WDR25: variants seen among roughly 807,000 people sequenced by gnomAD.
The protein encoded by WDR25 is WD repeat domain 25.
A neutral mutation model predicts 47.7 loss-of-function variants in WDR25; 35 were observed. The observed-to-expected ratio is 0.73, with a 90% CI of 0.56 to 0.97. WDR25 has a LOEUF of 0.97. Ranked by LOEUF, WDR25 falls within the 50% of genes least tolerant of loss-of-function variation. WDR25 has a pLI of 0.00. For synonymous variants in WDR25, 248 were observed against 278.9 expected (o/e 0.89, Z 1.10); for missense variants, 634 against 704.7 (o/e 0.90, Z 1.14).
At position 100,440,087 on chromosome 14, in the gene WDR25, G is replaced by A. The variant is rs1898623334; in HGVS notation, c.823-27934G>A. 1.3e-5 allele frequency among the ~76,000 whole-genome samples: 2 copies of A among 152,192 alleles called. No homozygotes were observed. Among genetic ancestry groups the A allele is most frequent in the South Asian group, 4.1e-4 (2 of 4,836 alleles). ...CTAAAAGCAGCATAGTCATTTTCGA[G>A]TCACTCTCTGATAAAGATAGAACAC... On this transcript the variant is annotated intron_variant, in intron 2 of 6. Coordinates refer to ENST00000402312, the MANE Select transcript of WDR25 (RefSeq NM_001161476.3). The surrounding 1 kb of genome is among the most constrained non-coding windows in gnomAD (Gnocchi z 4.4).
intron 2 of WDR25, among the ~76,000 whole-genome samples, chr14:100,460,953 T>C (rs1899392579): frequency 6.6e-6 from 1 of 152,224 alleles, no homozygotes; most frequent in South Asian, 2.1e-4. Flanking sequence ...CAGTGGCTCA[T>C]GCTGTAATCC....
chr14:100,451,514 C>T (rs1899031887), intron 2 of WDR25, among the ~76,000 whole-genome samples: 1 of 152,196 alleles, frequency 6.6e-6, no homozygotes, highest in Admixed American at 6.5e-5. Flanking sequence ...GCCACCTTGC[C>T]TGGCTCATTC....
chr14:100,496,704 T>C (rs1595147345), intron 4 of WDR25, among the ~76,000 whole-genome samples: 2 of 152,158 alleles, frequency 1.3e-5, no homozygotes, highest in Admixed American at 1.3e-4. Flanking sequence ...TACAAATACT[T>C]TCTAATTTTC....
At chr14:100,509,108 G>C (rs959832126) in intron 4 of WDR25, among the ~76,000 whole-genome samples, 1 of 152,098 alleles carries the variant, frequency 6.6e-6, no homozygotes, top group East Asian at 1.9e-4. Flanking sequence ...ACTGAGAAAT[G>C]TTCTCTACTT....
At chr14:100,439,024 G>A (rs1191863519) in intron 2 of WDR25, among the ~76,000 whole-genome samples, 1 of 152,312 alleles carries the variant, frequency 6.6e-6, no homozygotes, top group Non-Finnish European at 1.5e-5. Flanking sequence ...GGTGGCTAGG[G>A]CACCCTCCTG....
rs1901120561 is a variant in WDR25 at position 100,506,633 on chromosome 14, T to A, written c.1102-19237T>A. On this transcript the variant is annotated intron_variant, in intron 4 of 6. Coordinates refer to ENST00000402312, the MANE Select transcript of WDR25 (RefSeq NM_001161476.3). This position sits in a 1 kb window ranked among gnomAD's most constrained non-coding sequence, Gnocchi z 4.8. ...TGTCTGGTGTGAGAAGTTATCTCAT[T>A]GTGATTTTGATTTGCATTTCTCTGC... Among the ~76,000 whole-genome samples, 1 of 152,218 alleles carries A rather than the reference T, an allele frequency of 6.6e-6. No homozygotes were observed. The highest frequency in any genetic ancestry group is 1.5e-5 in the Non-Finnish European group (1 of 68,018).
chr14:100,379,844 T>G (rs534701792), intron 1 of WDR25, among the ~76,000 whole-genome samples: 2 of 146,938 alleles, frequency 1.4e-5, no homozygotes, highest in Non-Finnish European at 3.0e-5. Flanking sequence ...TGGGTTCAAG[T>G]GATTCTCCTG....
At chr14:100,471,462 T>C (rs931142999) in intron 3 of WDR25, among the ~76,000 whole-genome samples, 4 of 152,248 alleles carry the variant, frequency 2.6e-5, no homozygotes, top group African/African-American at 9.6e-5. Context: ...TGGGGTGGGC[T>C]CTGCAGGCCC....
intron 2 of WDR25, among the ~76,000 whole-genome samples, chr14:100,452,523 C>T (rs2140269024): frequency 6.6e-6 from 1 of 152,242 alleles, no homozygotes; most frequent in Non-Finnish European, 1.5e-5. Flanking sequence ...TTGAGGGAAC[C>T]CAGCAGCTGG....
chr14:100,460,340 C>A (rs1331205708), intron 2 of WDR25, among the ~76,000 whole-genome samples: 2 of 152,008 alleles, frequency 1.3e-5, no homozygotes, highest in African/African-American at 4.8e-5. Flanking sequence ...TCTTGATCTC[C>A]TGACCACATG....
chr14:100,485,181 G>C (rs958265885), intron 4 of WDR25, among the ~76,000 whole-genome samples: 2 of 151,392 alleles, frequency 1.3e-5, no homozygotes. Context: ...GTAGAGGCTT[G>C]CTGCCCCCTG....
rs1168059990 is a variant in WDR25, at chr14:100,449,575, ACT to A, written c.823-18443_823-18442del. On this transcript the variant is annotated intron_variant, in intron 2 of 6. Transcript: ENST00000402312. The surrounding 1 kb of genome is among the most constrained non-coding windows in gnomAD (Gnocchi z 4.2). The stretch of plus-strand genomic sequence containing the variant: ...CATGGCTATGTATGACAGCCAGGAC[ACT>A]CTGCCTCCACCCAGACTGGGCCTTC... 6.6e-6 allele frequency among the ~76,000 whole-genome samples: 1 copy of A among 152,170 alleles called. No individual in the cohort carries two copies. The highest frequency in any genetic ancestry group is 1.5e-5 in the Non-Finnish European group (1 of 68,024).
chr14:100,426,516 G>A (rs771681648), intron 2 of WDR25, among the ~76,000 whole-genome samples: 2 of 152,220 alleles, frequency 1.3e-5, no homozygotes, highest in Non-Finnish European at 2.9e-5. Flanking sequence ...GTACTCAGAC[G>A]CCTGCGTGCG....
At chr14:100,528,194 C>T (rs1044925780) in intron 5 of WDR25, among the ~76,000 whole-genome samples, 1 of 152,140 alleles carries the variant, frequency 6.6e-6, no homozygotes, top group African/African-American at 2.4e-5. Context: ...TATTCCCTCA[C>T]AGTTCTGGAG....
At chr14:100,422,524 T>C (rs1898054588) in intron 2 of WDR25, among the ~76,000 whole-genome samples, 1 of 152,212 alleles carries the variant, frequency 6.6e-6, no homozygotes. Context: ...CCTGTTTTCA[T>C]ACTGGCATTT....
intron 4 of WDR25, among the ~76,000 whole-genome samples, chr14:100,512,398 A>G (rs893984454): frequency 2.6e-5 from 4 of 152,002 alleles, no homozygotes; most frequent in African/African-American, 4.8e-5. Flanking sequence ...GTTTTTTGTA[A>G]TGTTATTTTT....
chr14:100,451,105 A>G (rs531299470), intron 2 of WDR25, among the ~76,000 whole-genome samples: 1 of 152,336 alleles, frequency 6.6e-6, no homozygotes, highest in Non-Finnish European at 1.5e-5. Flanking sequence ...CCCATGTACC[A>G]TAGTGACTGA....
At chr14:100,421,760 A>G (rs554737363) in intron 2 of WDR25, among the ~76,000 whole-genome samples, 91 of 152,322 alleles carry the variant, frequency 6.0e-4, no homozygotes, top group Non-Finnish European at 1.2e-3. Flanking sequence ...GACATAAATA[A>G]TATGTAATAC....
At chr14:100,514,765 A>C (rs1278924376) in intron 4 of WDR25, among the ~76,000 whole-genome samples, 1 of 152,080 alleles carries the variant, frequency 6.6e-6, no homozygotes, top group Non-Finnish European at 1.5e-5. Context: ...AATAATAAAA[A>C]GATATTATCT....
Sources: allele counts gnomAD v4.1 joint callset (sites outside exome capture counted in the v4.1 genomes callset), GRCh38; gene constraint gnomAD v4.1.1; non-coding constraint Gnocchi (gnomAD v3.1); transcripts MANE v1.5; gene names NCBI Gene and HGNC (gene_info 2026-07-23, HGNC 2026-07-21).